The following CUL1 variants were observed in gnomAD, a reference collection of about 807,000 sequenced individuals.
CUL1 encodes cullin 1.
A neutral mutation model predicts 118.0 loss-of-function variants in CUL1; 24 were observed. The ratio of observed to expected loss-of-function variants is 0.20; its 90% CI spans 0.15 to 0.29. The LOEUF is 0.29. CUL1 is among the 10% of genes least tolerant of loss of function. The pLI is 1.00. For synonymous variants in CUL1, 332 were observed against 340.4 expected (o/e 0.98, Z 0.27); for missense variants, 361 against 933.8 (o/e 0.39, Z 7.99).
At chr7:148,778,771 A>G (rs776861645) in intron 9 of CUL1, among the ~76,000 whole-genome samples, 7 of 152,112 alleles carry the variant, frequency 4.6e-5, no homozygotes, top group Non-Finnish European at 8.8e-5. Context: ...GCTGGATGAA[A>G]GATGTGGAGG....
At chr7:148,772,500 C>T (rs1800248331) in intron 9 of CUL1, among the ~76,000 whole-genome samples, 1 of 151,964 alleles carries the variant, frequency 6.6e-6, no homozygotes, top group African/African-American at 2.4e-5. Context: ...GTATTTTTAG[C>T]TGCATGATGT....
At chr7:148,710,421 T>C (rs1798013063) in intron 1 of CUL1, among the ~76,000 whole-genome samples, 2 of 151,816 alleles carry the variant, frequency 1.3e-5, no homozygotes, top group Admixed American at 1.3e-4. Flanking sequence ...AATACAAAAT[T>C]AGCCAGGCAT....
chr7:148,749,788 AGGAAGGCAT>A (rs1799427432), intron 2 of CUL1, among the ~76,000 whole-genome samples: 1 of 152,252 alleles, frequency 6.6e-6, no homozygotes, highest in Non-Finnish European at 1.5e-5. Flanking sequence ...AAGCCAAATG[AGGAAGGCAT>A]GTTGAAAGCT....
chr7:148,732,096 AGT>A (rs1303379269), intron 2 of CUL1, among the ~76,000 whole-genome samples: 2 of 152,138 alleles, frequency 1.3e-5, no homozygotes, highest in African/African-American at 4.8e-5. Flanking sequence ...GTCTTTGCCA[AGT>A]GAGAAGATAT....
At chr7:148,732,233 G>A (rs1284455088) in intron 2 of CUL1, among the ~76,000 whole-genome samples, 7 of 152,174 alleles carry the variant, frequency 4.6e-5, no homozygotes, top group Non-Finnish European at 8.8e-5. Flanking sequence ...ACAGGAAGCA[G>A]GAGAGCACTG....
chr7:148,727,620 G>C (rs765499913), intron 1 of CUL1, among the ~76,000 whole-genome samples: 3 of 152,166 alleles, frequency 2.0e-5, no homozygotes, highest in Admixed American at 1.3e-4. Context: ...AAGCAAACCT[G>C]TACGTCTTCT....
intron 2 of CUL1, among the ~76,000 whole-genome samples, chr7:148,741,779 G>A (rs1290052231): frequency 6.6e-6 from 1 of 151,844 alleles, no homozygotes; most frequent in African/African-American, 2.4e-5. Context: ...TCATCACGTT[G>A]GCCAGGCTGG....
intron 9 of CUL1, among the ~76,000 whole-genome samples, chr7:148,772,894 A>G (rs1800263132): frequency 6.6e-6 from 1 of 152,054 alleles, no homozygotes; most frequent in Admixed American, 6.5e-5. Context: ...CTCGGTAGCA[A>G]GCTGTCTCCT....
At position 148,787,640 on chromosome 7, in the gene CUL1, C is replaced by T. The variant is rs1800860809; in HGVS notation, c.1479+520C>T. Among the ~76,000 whole-genome samples, 1 of 152,148 alleles carries T rather than the reference C, an allele frequency of 6.6e-6. No individual in the cohort carries two copies. The highest frequency in any genetic ancestry group is 2.4e-5 in the African/African-American group (1 of 41,442). ...CCTTCCCCACCCCACTGTGGGGCTT[C>T]CATCCTACCCAGGCCTGGCTGGGCT... On this transcript the variant is annotated intron_variant, in intron 13 of 21. Transcript: ENST00000325222. The surrounding 1 kb of genome is among the most constrained non-coding windows in gnomAD (Gnocchi z 5.5).
intron 7 of CUL1, among the ~76,000 whole-genome samples, chr7:148,763,852 C>A (rs1799919753): frequency 6.6e-6 from 1 of 152,138 alleles, no homozygotes; most frequent in Non-Finnish European, 1.5e-5. Flanking sequence ...AAAACATGAC[C>A]CTTCAAGAAA....
chr7:148,788,781 T>G, intron 14 of CUL1, 107 bp downstream of exon 14: 1 of 764,340 alleles, frequency 1.3e-6, no homozygotes, highest in Non-Finnish European at 2.2e-6. Context: ...TGTCAGAAAT[T>G]CAAGAACTAA....
intron 1 of CUL1, among the ~76,000 whole-genome samples, chr7:148,707,782 T>G (rs1280589792): frequency 6.6e-6 from 1 of 152,228 alleles, no homozygotes; most frequent in East Asian, 1.9e-4. Context: ...CTTCCTGGGT[T>G]TTAAAAGCAT....
chr7:148,748,105 A>ACT (rs368591708), intron 2 of CUL1, among the ~76,000 whole-genome samples: 161 of 152,348 alleles, frequency 1.1e-3, no homozygotes, highest in African/African-American at 3.7e-3. Flanking sequence ...GAACAAGTAA[A>ACT]CTACCATTCC....
At chr7:148,785,024 A>G (rs1800769283) in intron 11 of CUL1, among the ~76,000 whole-genome samples, 1 of 152,236 alleles carries the variant, frequency 6.6e-6, no homozygotes, top group Non-Finnish European at 1.5e-5. Context: ...AATTTACTAC[A>G]TTAACAGAGA....
At chr7:148,718,280 G>A (rs1047143651) in intron 1 of CUL1, among the ~76,000 whole-genome samples, 2 of 152,174 alleles carry the variant, frequency 1.3e-5, no homozygotes, top group Admixed American at 6.5e-5. Context: ...ATTCAGTGAT[G>A]TTTAGTAAAG....
At chr7:148,702,164 G>A (rs966891864) in intron 1 of CUL1, among the ~76,000 whole-genome samples, 1 of 152,146 alleles carries the variant, frequency 6.6e-6, no homozygotes, top group Non-Finnish European at 1.5e-5. Flanking sequence ...GAGGTTTCCT[G>A]TTTATAATAT....
At chr7:148,756,031 G>A (rs1321374346) in intron 3 of CUL1, among the ~76,000 whole-genome samples, 1 of 152,096 alleles carries the variant, frequency 6.6e-6, no homozygotes, top group Non-Finnish European at 1.5e-5. Context: ...TACCATTAAC[G>A]TTTTTAAAGG....
At chr7:148,704,651 G>A (rs1797827539) in intron 1 of CUL1, among the ~76,000 whole-genome samples, 1 of 152,096 alleles carries the variant, frequency 6.6e-6, no homozygotes, top group Admixed American at 6.6e-5. Flanking sequence ...CATTTAGTTA[G>A]TATTAATGAT....
chr7:148,734,641 C>T (rs1001954532), intron 2 of CUL1, among the ~76,000 whole-genome samples: 1 of 152,120 alleles, frequency 6.6e-6, no homozygotes, highest in Non-Finnish European at 1.5e-5. Context: ...TAGGTATTGG[C>T]ATTTCTTATT....
Sources: allele counts gnomAD v4.1 joint callset (sites outside exome capture counted in the v4.1 genomes callset), GRCh38; gene constraint gnomAD v4.1.1; non-coding constraint Gnocchi (gnomAD v3.1); transcripts MANE v1.5; gene names NCBI Gene and HGNC (gene_info 2026-07-23, HGNC 2026-07-21).